BRSK2: variants seen among roughly 807,000 people sequenced by gnomAD.
BRSK2 encodes the protein serine/threonine-protein kinase BRSK2.
Under a neutral mutation model 83.3 loss-of-function variants are expected in BRSK2, and 19 were observed. That is an observed-to-expected ratio of 0.23 (90% CI 0.16 to 0.33). The LOEUF (loss-of-function observed/expected upper bound fraction) is 0.33. Among genes scored for constraint, BRSK2 ranks in the 10% least tolerant of loss-of-function variants. The probability of loss-of-function intolerance (pLI) is 1.00; values close to 1 mark genes in which losing one functional copy is unlikely to be tolerated. For synonymous variants in BRSK2, 519 were observed against 435.4 expected, an observed-to-expected ratio of 1.19 and a Z score of -2.39; for missense variants, 798 against 1,042.3, an observed-to-expected ratio of 0.77 and a Z score of 3.23.
At chr11:1,411,209 G>C in intron 1 of BRSK2, 1 of 1,244,972 alleles carries the variant, frequency 8.0e-7, no homozygotes, top group Non-Finnish European at 1.0e-6. Context: ...GCTGAGGGGA[G>C]AGCGGGTTCT....
At chr11:1,410,358 G>A (rs1398960262) in intron 1 of BRSK2, 1 of 777,244 alleles carries the variant, frequency 1.3e-6, no homozygotes, top group East Asian at 1.5e-4. Context: ...CGTCGGCCTC[G>A]CAGAGCGGTG....
intron 1 of BRSK2, among the ~76,000 whole-genome samples, chr11:1,426,129 T>G (rs1312797852): frequency 1.3e-5 from 2 of 152,218 alleles, no homozygotes; most frequent in African/African-American, 4.8e-5. Flanking sequence ...CTGTGGGGCC[T>G]TGGGTGCTCT....
At chr11:1,409,146 C>T (rs939716833) in intron 1 of BRSK2, among the ~76,000 whole-genome samples, 1 of 152,198 alleles carries the variant, frequency 6.6e-6, no homozygotes, top group Non-Finnish European at 1.5e-5. Context: ...TGGCTTTCCT[C>T]AGGGCCTGCA....
chr11:1,399,264 G>A (rs1218571407), intron 1 of BRSK2, among the ~76,000 whole-genome samples: 2 of 152,158 alleles, frequency 1.3e-5, no homozygotes, highest in Non-Finnish European at 2.9e-5. Context: ...CCACACCGCA[G>A]TTTCCCTATC....
Position 1,408,163 on chromosome 11 carries a change from G to C in BRSK2, c.91+17788G>C, listed in dbSNP as rs138073160. On this transcript the variant is annotated intron_variant, in intron 1 of 19. Coordinates refer to ENST00000528841, the MANE Select transcript of BRSK2 (RefSeq NM_001256627.2). Reference sequence around the variant, plus strand: ...GGGGAGCACAGGCGGGCCTGGCCTCGGGCCCCAGCCTCCCTCCGCCTGTTC... The same window carrying C: ...GGGGAGCACAGGCGGGCCTGGCCTCCGGCCCCAGCCTCCCTCCGCCTGTTC... 3.9e-5 allele frequency among the ~76,000 whole-genome samples: 6 copies of C among 152,334 alleles called. 1 individual carries two copies. The highest frequency in any genetic ancestry group is 3.9e-4 in the Admixed American group (6 of 15,308).
chr11:1,419,513 C>T, intron 1 of BRSK2, among the ~76,000 whole-genome samples: 1 of 152,170 alleles, frequency 6.6e-6, no homozygotes, highest in Admixed American at 6.5e-5. Flanking sequence ...TTTTTCATGT[C>T]TTAGAGCTTT....
chr11:1,407,453 C>T (rs1212018122), intron 1 of BRSK2, among the ~76,000 whole-genome samples: 1 of 152,136 alleles, frequency 6.6e-6, no homozygotes, highest in Non-Finnish European at 1.5e-5. Context: ...CTGCACGGGC[C>T]TCCCCTCCGA....
At chr11:1,442,753 C>A in intron 5 of BRSK2, 147 bp downstream of exon 5, 1 of 689,868 alleles carries the variant, frequency 1.4e-6, no homozygotes, top group Admixed American at 2.3e-5. Context: ...CCTCCCAGTA[C>A]CCCACAGCCT....
chr11:1,455,760 C>T (rs968942548), intron 16 of BRSK2, among the ~76,000 whole-genome samples: 2 of 151,728 alleles, frequency 1.3e-5, no homozygotes, highest in Non-Finnish European at 2.9e-5. Flanking sequence ...CTCCCCATGC[C>T]GGCCCCAGTG....
intron 12 of BRSK2, among the ~76,000 whole-genome samples, chr11:1,448,650 C>T (rs915362286): frequency 6.6e-6 from 1 of 152,216 alleles, no homozygotes; most frequent in Non-Finnish European, 1.5e-5. Context: ...GCTGCTGCCC[C>T]CATGAGGGCT....
At chr11:1,442,687 C>A in intron 5 of BRSK2, 81 bp downstream of exon 5, 3 of 1,215,060 alleles carry the variant, frequency 2.5e-6, no homozygotes, top group South Asian at 2.5e-5. Context: ...GAGAGGCCCC[C>A]AGCCTGCCTG....
At chr11:1,433,829 G>A (rs1366109677) in intron 1 of BRSK2, among the ~76,000 whole-genome samples, 1 of 152,194 alleles carries the variant, frequency 6.6e-6, no homozygotes, top group Non-Finnish European at 1.5e-5. Context: ...CCCCACCCCT[G>A]GCACTGGGCT....
intron 9 of BRSK2, 85 bp from the exon 10 acceptor site, chr11:1,445,209 C>T (rs1015170634): frequency 6.6e-7 from 1 of 1,523,542 alleles, no homozygotes; most frequent in Non-Finnish European, 8.9e-7. Context: ...GATGAAGGGC[C>T]CCAGGTGAGG....
intron 19 of BRSK2, 60 bp from the exon 20 acceptor site, chr11:1,460,439 TC>T (rs1847291031): frequency 9.1e-7 from 1 of 1,093,720 alleles, no homozygotes; most frequent in Non-Finnish European, 1.2e-6. Flanking sequence ...CCTCTTTCTC[TC>T]CCCCTTTTTT....
intron 12 of BRSK2, among the ~76,000 whole-genome samples, chr11:1,449,300 C>T (rs545719099): frequency 4.6e-5 from 7 of 152,334 alleles, no homozygotes; most frequent in Non-Finnish European, 7.4e-5. Flanking sequence ...AAGGGCCGGC[C>T]GCTGACCCAG....
intron 11 of BRSK2, 33 bp downstream of exon 11, chr11:1,445,701 T>C (rs1264688297): frequency 6.2e-7 from 1 of 1,611,494 alleles, no homozygotes; most frequent in Non-Finnish European, 8.5e-7. Flanking sequence ...CAGCCCGGCC[T>C]GCACTGCCCC....
intron 12 of BRSK2, chr11:1,447,734 G>C: frequency 6.6e-7 from 1 of 1,512,024 alleles, no homozygotes; most frequent in Non-Finnish European, 8.9e-7. Flanking sequence ...CCGGGCCCTG[G>C]GGGCCGACCT....
At chr11:1,439,793 TTCCCCTGCCCTGGGGGCTTCACACCC>T (rs1850908548) in intron 3 of BRSK2, among the ~76,000 whole-genome samples, 2 of 135,726 alleles carry the variant, frequency 1.5e-5, no homozygotes, top group Admixed American at 7.3e-5. Flanking sequence ...GCTTCACACC[TTCCCCTGCCCTGGGGGCTTCACACCC>T]TCCCCTGCCC....
rs1846223389 is a variant in BRSK2 at position 1,454,426 on chromosome 11, G to A, written c.1545-59G>A. 7.5e-6 allele frequency: 12 copies of A among 1,594,216 alleles called. No individual in the cohort carries two copies. The highest frequency in any genetic ancestry group is 1.0e-5 in the Non-Finnish European group (12 of 1,166,042). On this transcript the variant is annotated intron_variant, in intron 15 of 19. Transcript: ENST00000528841. The surrounding 1 kb of genome is among the most constrained non-coding windows in gnomAD (Gnocchi z 5.2). Reference sequence around the variant, plus strand: ...CGTTCCAACCCCAGATTCGAGGGAGGCAGGGGTGTGGACGGTGCCACACCT... The same window carrying A: ...CGTTCCAACCCCAGATTCGAGGGAGACAGGGGTGTGGACGGTGCCACACCT...
Sources: gnomAD v4.1 joint callset for allele counts (sites outside exome capture counted in the v4.1 genomes callset) on GRCh38, gnomAD v4.1.1 for gene constraint, Gnocchi (gnomAD v3.1) non-coding constraint, MANE v1.5 for transcripts, NCBI Gene and HGNC (gene_info 2026-07-23, HGNC 2026-07-21) for gene names.